Variants in PLEKHA6 observed in about 807,000 individuals in gnomAD.
PLEKHA6 encodes pleckstrin homology domain-containing family A member 6.
Under a neutral mutation model 116.7 loss-of-function variants are expected in PLEKHA6, and 60 were observed. The observed-to-expected ratio is 0.51, with a 90% confidence interval of 0.42 to 0.64. PLEKHA6 has a LOEUF of 0.64. Ranked by LOEUF, PLEKHA6 falls within the 30% of genes least tolerant of loss-of-function variation. PLEKHA6 has a pLI of 0.00. For synonymous variants in PLEKHA6, 489 were observed against 556.1 expected (o/e 0.88, Z 1.70); for missense variants, 1,338 against 1,422.7 (o/e 0.94, Z 0.96).
chr1:204,317,271 C>T (rs1018422582), intron 1 of PLEKHA6: 4 of 868,466 alleles, frequency 4.6e-6, no homozygotes, highest in Non-Finnish European at 5.5e-6. Context: ...GTCCTAGCTC[C>T]AGGCAGGGGC....
At chr1:204,298,124 G>T in intron 1 of PLEKHA6, among the ~76,000 whole-genome samples, 1 of 152,234 alleles carries the variant, frequency 6.6e-6, no homozygotes, top group East Asian at 1.9e-4. Context: ...ATGAAGAGCA[G>T]CAGCCAGTCA....
At chr1:204,256,732 T>C (rs1463321944) in intron 9 of PLEKHA6, 1 of 469,196 alleles carries the variant, frequency 2.1e-6, no homozygotes, top group Non-Finnish European at 3.8e-6. Flanking sequence ...TCCGCCCCAG[T>C]TTAGCTCCAC....
chr1:204,286,822 C>T (rs1669234321), intron 1 of PLEKHA6, among the ~76,000 whole-genome samples: 2 of 152,102 alleles, frequency 1.3e-5, no homozygotes, highest in Admixed American at 1.3e-4. Context: ...AACAAGTATC[C>T]CCGTTCCTCT....
At chr1:204,256,988 A>T (rs1665396599) in intron 9 of PLEKHA6, 13 of 585,718 alleles carry the variant, frequency 2.2e-5, no homozygotes, top group Non-Finnish European at 2.7e-5. Context: ...TTCAGTTCCC[A>T]GAGCAGATCC....
chr1:204,297,360 G>C, intron 1 of PLEKHA6: 1 of 246,276 alleles, frequency 4.1e-6, no homozygotes, highest in East Asian at 1.8e-4. Context: ...AATTCTACTG[G>C]GTGTAAGGCA....
chr1:204,346,648 G>T, intron 1 of PLEKHA6: 1 of 656,760 alleles, frequency 1.5e-6, no homozygotes, highest in Non-Finnish European at 2.7e-6. Flanking sequence ...TTCCCAATGT[G>T]GCCATGGGTA....
At chr1:204,332,660 G>A (rs766319964) in intron 1 of PLEKHA6, among the ~76,000 whole-genome samples, 29 of 152,142 alleles carry the variant, frequency 1.9e-4, no homozygotes, top group South Asian at 1.0e-3. Flanking sequence ...GATTACAGGC[G>A]TGAGCCACTG....
At position 204,238,786 on chromosome 1, in the gene PLEKHA6, G is replaced by T. The variant is rs576508910; in HGVS notation, c.2409+2589C>A. ...TCTGCAAGATATGCAGGCACCACCCGAAAGTAGACAGCTGCAGCACTACAG... is the reference window on the plus strand; with the variant it reads ...TCTGCAAGATATGCAGGCACCACCCTAAAGTAGACAGCTGCAGCACTACAG... On this transcript the variant is annotated intron_variant, in intron 17 of 22. Transcript: ENST00000272203. This position sits in a 1 kb window ranked among gnomAD's most constrained non-coding sequence, Gnocchi z 4.2. Among the ~76,000 whole-genome samples, 1 of 152,328 alleles carries T rather than the reference G, an allele frequency of 6.6e-6. No homozygotes were observed. Among genetic ancestry groups the T allele is most frequent in the South Asian group, 2.1e-4 (1 of 4,824 alleles).
At chr1:204,246,492 TG>T (rs1391006510) in intron 13 of PLEKHA6, among the ~76,000 whole-genome samples, 2 of 152,234 alleles carry the variant, frequency 1.3e-5, no homozygotes, top group Admixed American at 1.3e-4. Context: ...TTGGGTCTTC[TG>T]GACCAGGTGG....
At position 204,238,705 on chromosome 1, in the gene PLEKHA6, T is replaced by C. The variant is rs112298539; in HGVS notation, c.2409+2670A>G. Among the ~76,000 whole-genome samples, 1 of 152,094 alleles carries C rather than the reference T, an allele frequency of 6.6e-6. No individual in the cohort carries two copies. Among genetic ancestry groups the C allele is most frequent in the Non-Finnish European group, 1.5e-5 (1 of 68,018 alleles). On this transcript the variant is annotated intron_variant, in intron 17 of 22. Coordinates refer to ENST00000272203, the MANE Select transcript of PLEKHA6 (RefSeq NM_014935.5). This position sits in a 1 kb window ranked among gnomAD's most constrained non-coding sequence, Gnocchi z 4.2. ...CCTGCACTGATGGACTCATGGGGAG[T>C]TCCCTATGATCAGTTGACAGAGGAA...
intron 1 of PLEKHA6, chr1:204,308,914 C>T (rs967410472): frequency 6.9e-5 from 11 of 159,430 alleles, no homozygotes; most frequent in Admixed American, 1.3e-4. Flanking sequence ...TGGTCTCGAT[C>T]TCCTGACCTC....
intron 1 of PLEKHA6, among the ~76,000 whole-genome samples, chr1:204,373,083 T>C (rs1295443686): frequency 2.1e-5 from 3 of 142,458 alleles, no homozygotes; most frequent in Non-Finnish European, 4.5e-5. Flanking sequence ...ATATTTTTTC[T>C]TTCTTTTTTT....
At chr1:204,368,224 G>C (rs547518050) in intron 2 of PLEKHA6, among the ~76,000 whole-genome samples, 44 of 152,252 alleles carry the variant, frequency 2.9e-4, no homozygotes, top group African/African-American at 1.0e-3. Context: ...CACACAGATG[G>C]TTCCCCTGGA....
At chr1:204,307,802 G>C (rs942042936) in intron 1 of PLEKHA6, 6 of 919,844 alleles carry the variant, frequency 6.5e-6, no homozygotes, top group South Asian at 5.0e-5. Context: ...CACTGGGAGA[G>C]AGCCCTGCCA....
intron 17 of PLEKHA6, among the ~76,000 whole-genome samples, chr1:204,236,821 T>C (rs992884316): frequency 5.3e-5 from 8 of 152,198 alleles, no homozygotes; most frequent in Non-Finnish European, 1.0e-4. Flanking sequence ...ATTTGAATTA[T>C]AAAAACAGAG....
chr1:204,292,331 T>C (rs1405514940), intron 1 of PLEKHA6, among the ~76,000 whole-genome samples: 1 of 152,192 alleles, frequency 6.6e-6, no homozygotes, highest in Non-Finnish European at 1.5e-5. Flanking sequence ...TCCCTGAAGC[T>C]GGAAGTGTTG....
intron 1 of PLEKHA6, among the ~76,000 whole-genome samples, chr1:204,335,565 G>C (rs1281179835): frequency 2.0e-5 from 3 of 152,060 alleles, no homozygotes; most frequent in Non-Finnish European, 2.9e-5. Flanking sequence ...AGAGCAACTG[G>C]GTTAAGGCAA....
chr1:204,280,239 C>A, intron 1 of PLEKHA6: 2 of 913,962 alleles, frequency 2.2e-6, no homozygotes, highest in Non-Finnish European at 2.6e-6. Context: ...TGCTTCATCT[C>A]CAAACATCCC....
At chr1:204,281,491 C>A (rs1324115367) in intron 1 of PLEKHA6, among the ~76,000 whole-genome samples, 1 of 152,020 alleles carries the variant, frequency 6.6e-6, no homozygotes, top group Non-Finnish European at 1.5e-5. Flanking sequence ...CGCCACTGCA[C>A]TCCAGCCTGG....
Sources: gnomAD v4.1 joint callset for allele counts (sites outside exome capture counted in the v4.1 genomes callset) on GRCh38, gnomAD v4.1.1 for gene constraint, Gnocchi (gnomAD v3.1) non-coding constraint, MANE v1.5 for transcripts, NCBI Gene and HGNC (gene_info 2026-07-23, HGNC 2026-07-21) for gene names.